CSMD1: variants seen among roughly 807,000 people sequenced by gnomAD.
The protein encoded by CSMD1 is CUB and Sushi multiple domains 1.
CSMD1 carries 213 observed loss-of-function variants against 417.5 expected under a neutral mutation model. The observed-to-expected ratio is 0.51, with a 90% CI of 0.46 to 0.57. CSMD1 has a LOEUF of 0.57. Among genes scored for constraint, CSMD1 ranks in the 20% least tolerant of loss-of-function variants. The probability of loss-of-function intolerance (pLI) is 0.00; values close to 1 mark genes in which losing one functional copy is unlikely to be tolerated. For synonymous variants in CSMD1, 2,862 were observed against 1,736.8 expected (o/e 1.65, Z -16.11); for missense variants, 6,923 against 4,529.7 (o/e 1.53, Z -15.17).
intron 2 of CSMD1, among the ~76,000 whole-genome samples, chr8:4,437,008 A>T (rs1798186572): frequency 6.6e-6 from 1 of 152,146 alleles, no homozygotes; most frequent in Non-Finnish European, 1.5e-5. Context: ...GACTATCCTG[A>T]TTCTCTCTAT....
At chr8:4,244,755 T>C (rs894658508) in intron 3 of CSMD1, among the ~76,000 whole-genome samples, 2 of 152,172 alleles carry the variant, frequency 1.3e-5, no homozygotes, top group Non-Finnish European at 2.9e-5. Context: ...GTGAAGAGTT[T>C]TGCTACTTAA....
At chr8:3,260,882 G>A (rs150402209) in intron 26 of CSMD1, among the ~76,000 whole-genome samples, 2 of 152,146 alleles carry the variant, frequency 1.3e-5, no homozygotes, top group Admixed American at 6.5e-5. Flanking sequence ...GGGAGAAAAT[G>A]CTTGAAAGCC....
intron 1 of CSMD1, among the ~76,000 whole-genome samples, chr8:4,855,306 G>T (rs184905620): frequency 0.014 from 2,165 of 152,048 alleles, 59 homozygotes; most frequent in African/African-American, 0.049. Flanking sequence ...AAACCACAAA[G>T]ATGGGGAAAA....
chr8:4,133,754 T>A (rs1427857991), intron 3 of CSMD1, among the ~76,000 whole-genome samples: 1 of 152,160 alleles, frequency 6.6e-6, no homozygotes, highest in Non-Finnish European at 1.5e-5. Context: ...TATTATTTTA[T>A]ATCCCTGATA....
chr8:3,678,600 T>C (rs1799499458), intron 7 of CSMD1, among the ~76,000 whole-genome samples: 1 of 152,100 alleles, frequency 6.6e-6, no homozygotes, highest in South Asian at 2.1e-4. Flanking sequence ...GGAAACAAGT[T>C]GGAAAACACT....
At chr8:3,955,715 T>C (rs1158729333) in intron 5 of CSMD1, among the ~76,000 whole-genome samples, 3 of 150,074 alleles carry the variant, frequency 2.0e-5, no homozygotes, top group Non-Finnish European at 4.4e-5. Flanking sequence ...ACACAAAGAT[T>C]CTTCGAGAAC....
intron 13 of CSMD1, among the ~76,000 whole-genome samples, chr8:3,408,792 ATATATAT>A (rs1246196701): frequency 1.3e-5 from 2 of 152,064 alleles, no homozygotes; most frequent in African/African-American, 4.8e-5. Flanking sequence ...ACTTAAAATC[ATATATAT>A]TATATAAATA....
At chr8:4,461,540 T>C (rs947728999) in intron 2 of CSMD1, among the ~76,000 whole-genome samples, 2 of 147,264 alleles carry the variant, frequency 1.4e-5, no homozygotes, top group African/African-American at 5.1e-5. Flanking sequence ...AAAATCCATA[T>C]TTTTTTTTGG....
At chr8:3,602,631 C>G (rs1801417512) in intron 8 of CSMD1, among the ~76,000 whole-genome samples, 1 of 151,682 alleles carries the variant, frequency 6.6e-6, no homozygotes, top group Admixed American at 6.6e-5. Context: ...AAACACATGG[C>G]TAAGAGTCAC....
chr8:4,753,848 T>C (rs564434158), intron 1 of CSMD1, among the ~76,000 whole-genome samples: 13 of 152,320 alleles, frequency 8.5e-5, no homozygotes, highest in Non-Finnish European at 1.5e-4. Context: ...ACTGTGATAA[T>C]TGAACTAGAT....
chr8:3,430,382 A>AGC (rs1459487106), intron 12 of CSMD1, among the ~76,000 whole-genome samples: 11 of 152,178 alleles, frequency 7.2e-5, no homozygotes, highest in African/African-American at 2.7e-4. Flanking sequence ...TGAGAGTGGA[A>AGC]GCTGTATCTG....
At chr8:3,483,925 A>C (rs1188289797) in intron 11 of CSMD1, among the ~76,000 whole-genome samples, 1 of 152,206 alleles carries the variant, frequency 6.6e-6, no homozygotes, top group Admixed American at 6.6e-5. Context: ...GAAACATTTG[A>C]CGATTCACAG....
At chr8:3,828,096 T>C (rs1412548465) in intron 5 of CSMD1, among the ~76,000 whole-genome samples, 2 of 152,176 alleles carry the variant, frequency 1.3e-5, no homozygotes, top group Non-Finnish European at 2.9e-5. Flanking sequence ...TTACATCCTA[T>C]ACAGCATGTT....
chr8:3,251,854 G>C (rs963150753), intron 26 of CSMD1, among the ~76,000 whole-genome samples: 29 of 152,180 alleles, frequency 1.9e-4, no homozygotes, highest in Middle Eastern at 3.4e-3. Context: ...CTCATGATTT[G>C]GCTCTTTCTT....
intron 46 of CSMD1, among the ~76,000 whole-genome samples, chr8:3,097,642 T>C (rs1815411610): frequency 1.3e-5 from 2 of 152,198 alleles, no homozygotes; most frequent in African/African-American, 2.4e-5. Flanking sequence ...TTCATCAGGC[T>C]ATTCAGAACA....
At chr8:4,092,746 T>C (rs4875273) in intron 3 of CSMD1, among the ~76,000 whole-genome samples, 53,614 of 152,072 alleles carry the variant, frequency 0.35, 10,213 homozygotes, top group Non-Finnish European at 0.42. Flanking sequence ...CCACATTTTC[T>C]TTAAATATAA....
chr8:4,608,337 C>G (rs1800991829), intron 2 of CSMD1, among the ~76,000 whole-genome samples: 1 of 152,112 alleles, frequency 6.6e-6, no homozygotes, highest in Admixed American at 6.6e-5. Context: ...CTACCCTGAC[C>G]CAGGTAGCCA....
intron 3 of CSMD1, among the ~76,000 whole-genome samples, chr8:4,294,379 G>A (rs935007706): frequency 2.0e-5 from 3 of 152,174 alleles, no homozygotes; most frequent in Non-Finnish European, 4.4e-5. Context: ...GAGAGTGCAA[G>A]ATGTCACCGT....
chr8:3,182,691 G>GTGTGTA (rs1554454614), intron 36 of CSMD1, among the ~76,000 whole-genome samples: 5 of 124,608 alleles, frequency 4.0e-5, no homozygotes, highest in Admixed American at 8.6e-5. Flanking sequence ...GTGTGTGTGT[G>GTGTGTA]TGTATGTGTG....
Sources: gnomAD v4.1 joint callset for allele counts (sites outside exome capture counted in the v4.1 genomes callset) on GRCh38, gnomAD v4.1.1 for gene constraint, MANE v1.5 for transcripts, NCBI Gene and HGNC (gene_info 2026-07-23, HGNC 2026-07-21) for gene names.